The following PCDHA3 variants were observed in gnomAD, a reference collection of about 807,000 sequenced individuals.
PCDHA3 encodes the protein protocadherin alpha-3.
Under a neutral mutation model 62.2 loss-of-function variants are expected in PCDHA3, and 41 were observed. The observed-to-expected ratio is 0.66, with a 90% confidence interval of 0.51 to 0.86. PCDHA3 has a LOEUF of 0.86. PCDHA3 is among the 40% of genes least tolerant of loss of function. The pLI is 0.00. For missense variants in PCDHA3, 1,304 were observed against 1,241.2 expected, an observed-to-expected ratio of 1.05 and a Z score of -0.76; for synonymous variants, 640 against 555.4, an observed-to-expected ratio of 1.15 and a Z score of -2.14.
chr5:140,979,355 T>C (rs1437499560), intron 2 of PCDHA3, among the ~76,000 whole-genome samples: 6 of 152,206 alleles, frequency 3.9e-5, no homozygotes, highest in African/African-American at 1.4e-4. Flanking sequence ...TTAATACTCA[T>C]GCTTTGAGAC....
intron 1 of PCDHA3, among the ~76,000 whole-genome samples, chr5:140,914,744 T>C (rs989394283): frequency 6.6e-6 from 1 of 152,280 alleles, no homozygotes; most frequent in Non-Finnish European, 1.5e-5. Context: ...TGTATGTTTT[T>C]CCATTTGAGG....
At chr5:140,986,085 TCA>T (rs1395722991) in intron 3 of PCDHA3, among the ~76,000 whole-genome samples, 1 of 152,182 alleles carries the variant, frequency 6.6e-6, no homozygotes, top group Non-Finnish European at 1.5e-5. Context: ...TCATTTATTT[TCA>T]CAGTCTGCAA....
intron 1 of PCDHA3, among the ~76,000 whole-genome samples, chr5:140,893,408 T>C (rs1562871197): frequency 6.6e-6 from 1 of 152,076 alleles, no homozygotes; most frequent in Non-Finnish European, 1.5e-5. Flanking sequence ...ATCCCAGCAC[T>C]TAGGGAGGCA....
At chr5:140,946,474 A>G (rs2093947876) in intron 1 of PCDHA3, among the ~76,000 whole-genome samples, 1 of 151,798 alleles carries the variant, frequency 6.6e-6, no homozygotes, top group Non-Finnish European at 1.5e-5. Context: ...ACTACTGGGT[A>G]TATATCCAAA....
chr5:140,861,098 T>C (rs1334214171), intron 1 of PCDHA3: 1 of 152,426 alleles, frequency 6.6e-6, no homozygotes, highest in Non-Finnish European at 1.5e-5. Context: ...ATTGTTCCTG[T>C]ACTTTAAAAA....
rs113613111 is a variant in PCDHA3, at chr5:140,862,633, G to A, written c.2394+59042G>A. The A allele has an allele frequency of 2.9e-3, 1,533 of 537,306 alleles. 20 individuals are homozygous for A. The highest frequency in any genetic ancestry group is 0.024 in the African/African-American group (1,268 of 52,230). 33.3% of individuals were successfully genotyped at this position (537,306 alleles called of 1,614,324 possible). Reference sequence around the variant, plus strand: ...AGGTAACAACCCGCGGGGCTGCCACGACTTCACAGTGTCCGCGCGGGACCG... The same window carrying A: ...AGGTAACAACCCGCGGGGCTGCCACAACTTCACAGTGTCCGCGCGGGACCG... On this transcript the variant is annotated intron_variant, in intron 1 of 3. Transcript: ENST00000522353.
intron 1 of PCDHA3, chr5:140,875,462 C>T (rs1333440854): frequency 6.3e-7 from 1 of 1,598,882 alleles, no homozygotes; most frequent in Non-Finnish European, 8.5e-7. Flanking sequence ...CAGAGGCCCT[C>T]ATTTTCTGCA....
At chr5:140,876,418 T>G in intron 1 of PCDHA3, 1 of 1,613,982 alleles carries the variant, frequency 6.2e-7, no homozygotes, top group African/African-American at 1.3e-5. Context: ...GAATAATGCC[T>G]ATGAAATTCA....
rs1554123386 is a variant in PCDHA3 at position 140,805,473 on chromosome 5, T to C, written c.2394+1882T>C. The C allele has an allele frequency of 7.0e-6, 7 of 1,001,662 alleles. 1 individual carries two copies. The South Asian group carries it at 1.3e-4, about 19-fold the overall frequency. The allele number at this position is 1,001,662 out of a possible 1,614,324, so 62.0% of individuals were successfully genotyped here. ...TGTTTGTGTGAGTGTAGTTCTTCAA[T>C]AGAGAGGGAGCGTAAAGCTATTTTC... On this transcript the variant is annotated intron_variant, in intron 1 of 3. Coordinates refer to ENST00000522353, the MANE Select transcript of PCDHA3 (RefSeq NM_018906.3).
chr5:140,878,342 CAAT>C (rs1416409658), intron 1 of PCDHA3, among the ~76,000 whole-genome samples: 2 of 152,076 alleles, frequency 1.3e-5, no homozygotes, highest in Non-Finnish European at 2.9e-5. Flanking sequence ...GGTATTATCA[CAAT>C]AATATAAATG....
intron 1 of PCDHA3, chr5:140,869,906 A>G: frequency 6.2e-7 from 1 of 1,610,936 alleles, no homozygotes; most frequent in Non-Finnish European, 8.5e-7. Context: ...AACGCCACAG[A>G]CCGAGACGAA....
intron 1 of PCDHA3, chr5:140,857,065 A>G (rs782608134): frequency 6.3e-7 from 1 of 1,594,864 alleles, no homozygotes; most frequent in Non-Finnish European, 8.6e-7. Flanking sequence ...TAGTGGAACT[A>G]CTGGATGAAA....
chr5:140,977,923 C>T (rs573696974), intron 1 of PCDHA3, among the ~76,000 whole-genome samples: 2 of 151,828 alleles, frequency 1.3e-5, no homozygotes, highest in Admixed American at 1.3e-4. Flanking sequence ...TTTTTTCATT[C>T]AACTATACCT....
chr5:140,889,831 T>C (rs2062398202), intron 1 of PCDHA3, among the ~76,000 whole-genome samples: 1 of 152,138 alleles, frequency 6.6e-6, no homozygotes, highest in African/African-American at 2.4e-5. Flanking sequence ...AGTCTTACAG[T>C]ATGCTTTGGT....
At chr5:140,822,873 G>A in intron 1 of PCDHA3, 4 of 1,614,214 alleles carry the variant, frequency 2.5e-6, no homozygotes, top group Non-Finnish European at 3.4e-6. Flanking sequence ...CACTCAGCAC[G>A]GTCATTGCTC....
intron 1 of PCDHA3, among the ~76,000 whole-genome samples, chr5:140,820,054 G>A (rs2150105641): frequency 1.3e-5 from 2 of 151,784 alleles, no homozygotes; most frequent in Non-Finnish European, 2.9e-5. Flanking sequence ...TTATATAATA[G>A]AAAGTGGCTA....
intron 1 of PCDHA3, among the ~76,000 whole-genome samples, chr5:140,826,585 A>ATAAATT (rs1196363952): frequency 6.6e-6 from 1 of 152,170 alleles, no homozygotes; most frequent in Non-Finnish European, 1.5e-5. Flanking sequence ...CTTCAAATGG[A>ATAAATT]TAACATTAAG....
chr5:140,830,610 TTTA>T lies in PCDHA3; in HGVS notation c.2394+27022_2394+27024del, dbSNP rs1771162237. 8.1e-6 allele frequency: 5 copies of T among 618,590 alleles called. No homozygotes were observed. In the East Asian group the frequency reaches 1.0e-4, roughly 13 times the overall value. The allele number at this position is 618,590 out of a possible 1,614,324, so 38.3% of individuals were successfully genotyped here. On this transcript the variant is annotated intron_variant, in intron 1 of 3. Transcript: ENST00000522353. ...ATTTTACAAAATTACATATTTTCAT[TTTA>T]TTGTGTTTCTTATTTTAATCTCTTT...
At chr5:140,825,773 T>C (rs1395889214) in intron 1 of PCDHA3, 2 of 152,486 alleles carry the variant, frequency 1.3e-5, no homozygotes, top group African/African-American at 2.4e-5. Flanking sequence ...GTTGTGCAAA[T>C]TCTACTATAT....
Sources: allele counts gnomAD v4.1 joint callset (sites outside exome capture counted in the v4.1 genomes callset), GRCh38; gene constraint gnomAD v4.1.1; transcripts MANE v1.5; gene names NCBI Gene and HGNC (gene_info 2026-07-23, HGNC 2026-07-21).